Variants in MYL4 observed in about 807,000 individuals in gnomAD.
MYL4 encodes atrial myosin light chain 1.
A neutral mutation model predicts 21.6 loss-of-function variants in MYL4; 16 were observed. That is an observed-to-expected ratio of 0.74 (90% CI 0.50 to 1.12). The LOEUF is 1.12. Among genes scored for constraint, MYL4 ranks in the 50% most tolerant of loss-of-function variants. The pLI is 0.00. For missense variants in MYL4, 249 were observed against 252.9 expected, an observed-to-expected ratio of 0.98 and a Z score of 0.11; for synonymous variants, 82 against 95.7, an observed-to-expected ratio of 0.86 and a Z score of 0.83.
chr17:47,213,832 T>C lies in MYL4; in HGVS notation c.163+6T>C. 1 of 1,613,868 alleles carries C rather than the reference T, an allele frequency of 6.2e-7. No individual in the cohort carries two copies. On this transcript the variant is annotated splice_donor_region_variant and intron_variant, in intron 2 of 6. Transcript: ENST00000393450. ...CACTGCCGACCAGATTGAAGGTGAG[T>C]ATGGACAACCCCACCTCTCCGTCTC...
In MYL4 at chr17:47,221,754, A is replaced by G. The variant is rs1451577263; in HGVS notation, c.386A>G (p.Gln129Arg). ...CAGCACATTTCCCGCAACAAGGAGC[A>G]GGGCACCTATGAGGACTTCGTGGAG... ...ILQHISRNKE[Q>R]GTYEDFVEGL... Residue 129 changes from glutamine (Q) to arginine (R), a missense_variant, in exon 4 of 7, where the codon CAG becomes CGG. By Grantham distance (43) the Gln-to-Arg change is conservative. Transcript: ENST00000393450. 6.2e-7 allele frequency: 1 copy of G among 1,614,198 alleles called. No homozygotes were observed.
At chr17:47,213,929 A>G (rs1296952227) in intron 2 of MYL4, 103 bp downstream of exon 2, 3 of 1,307,030 alleles carry the variant, frequency 2.3e-6, no homozygotes, top group South Asian at 1.2e-5. Context: ...GGTAATAGTA[A>G]TCACTGTCAT....
At chr17:47,189,589 G>T in the MYL4 span, among the ~76,000 whole-genome samples, 1 of 152,264 alleles carries the variant, frequency 6.6e-6, no homozygotes, top group African/African-American at 2.4e-5. Context: ...GACAGCGCGG[G>T]CGGGTAGCGT....
At chr17:47,225,875 T>C (rs74713788), downstream of MYL4, among the ~76,000 whole-genome samples, 2 of 134,886 alleles carry the variant, frequency 1.5e-5, no homozygotes, top group African/African-American at 5.4e-5. Context: ...TTTTTTTTTT[T>C]GGTTTTTTAA....
chr17:47,221,705 T>G lies in MYL4; in HGVS notation c.337T>G (p.Phe113Val), dbSNP rs2064856939. ...AGAGATGAATGTCAAGATGCTGGAC[T>G]TTGAGACGTTCTTGCCCATCCTGCA... is the stretch of plus-strand genomic sequence containing the variant. ...PEEMNVKMLD[F>V]ETFLPILQHI... Residue 113 changes from phenylalanine (F) to valine (V), a missense_variant, in exon 4 of 7, where the codon TTT becomes GTT. By Grantham distance (50) the Phe-to-Val change is conservative. Transcript: ENST00000393450. 1 of 1,613,752 alleles carries G rather than the reference T, an allele frequency of 6.2e-7. No homozygotes were observed. The highest frequency in any genetic ancestry group is 2.2e-5 in the East Asian group (1 of 44,886).
intron 2 of MYL4, among the ~76,000 whole-genome samples, chr17:47,214,976 T>C (rs112781870): frequency 4.6e-5 from 7 of 152,334 alleles, no homozygotes; most frequent in African/African-American, 1.7e-4. Context: ...GGCTTTCAGA[T>C]TGTTTCCGGT....
At chr17:47,202,940 AATTT>A (rs141096915) in intron 1 of MYL4, among the ~76,000 whole-genome samples, 2,447 of 151,954 alleles carry the variant, frequency 0.016, 53 homozygotes, top group African/African-American at 0.056. Flanking sequence ...TTGAAGCTTA[AATTT>A]ATTTATTTAT....
Position 47,209,354 on chromosome 17 carries a change from T to A in MYL4, c.-69T>A. Reference sequence around the variant, plus strand: ...GGAGGCAGCCCAGGCTCCTATCTCATCTCCCAGACGCCACGTCTCTCGGTT... The same window carrying A: ...GGAGGCAGCCCAGGCTCCTATCTCAACTCCCAGACGCCACGTCTCTCGGTT... On this transcript the variant is annotated 5_prime_UTR_variant, in exon 1 of 7. Transcript: ENST00000393450. The A allele has an allele frequency of 6.2e-7, 1 of 1,606,832 alleles. No homozygotes were observed. The highest frequency in any genetic ancestry group is 8.5e-7 in the Non-Finnish European group (1 of 1,175,018).
chr17:47,215,095 C>A (rs1445230899), intron 2 of MYL4, among the ~76,000 whole-genome samples: 6 of 152,120 alleles, frequency 3.9e-5, no homozygotes, highest in Admixed American at 3.9e-4. Context: ...AAAAGTGACA[C>A]CAGTTTACCC....
At chr17:47,213,648 C>T in intron 1 of MYL4, 151 bp from the exon 2 acceptor site, 1 of 778,586 alleles carries the variant, frequency 1.3e-6, no homozygotes, top group Non-Finnish European at 2.3e-6. Context: ...TGTGTTTTAC[C>T]CTTAGCACAA....
At chr17:47,190,344 T>G in the MYL4 span, among the ~76,000 whole-genome samples, 1 of 152,226 alleles carries the variant, frequency 6.6e-6, no homozygotes, top group Non-Finnish European at 1.5e-5. Context: ...GTGTCTAGCA[T>G]GCAATGTAGA....
intron 3 of MYL4, 74 bp from the exon 4 acceptor site, chr17:47,221,608 C>A: frequency 6.6e-7 from 1 of 1,518,052 alleles, no homozygotes; most frequent in Non-Finnish European, 8.9e-7. Context: ...TGGGGTGAGG[C>A]CCCCTCTTGA....
At chr17:47,214,016 T>C in intron 2 of MYL4, 190 bp downstream of exon 2, 1 of 611,218 alleles carries the variant, frequency 1.6e-6, no homozygotes, top group East Asian at 2.8e-5. Flanking sequence ...TTAACTCCTT[T>C]AATTCTCATA....
At chr17:47,211,465 C>T (rs746265155) in intron 1 of MYL4, among the ~76,000 whole-genome samples, 6 of 152,176 alleles carry the variant, frequency 3.9e-5, no homozygotes, top group Non-Finnish European at 5.9e-5. Context: ...GTTAGGACCA[C>T]GTCTATTGAG....
the MYL4 span, among the ~76,000 whole-genome samples, chr17:47,192,183 T>C: frequency 6.6e-6 from 1 of 152,062 alleles, no homozygotes; most frequent in East Asian, 1.9e-4. Flanking sequence ...GGAGAAAACC[T>C]GTCTCTACTA....
At chr17:47,209,069 G>A (rs1177084589), upstream of MYL4, 2 of 382,934 alleles carry the variant, frequency 5.2e-6, no homozygotes, top group South Asian at 2.7e-5. Context: ...CATCTCTCTG[G>A]CTGCTCCGGC....
chr17:47,207,758 A>G (rs2149039935), upstream of MYL4, among the ~76,000 whole-genome samples: 2 of 152,188 alleles, frequency 1.3e-5, no homozygotes, highest in South Asian at 4.1e-4. Context: ...TATTTTGTTG[A>G]CTTTCAAAGT....
intron 1 of MYL4, 113 bp from the exon 2 acceptor site, chr17:47,213,686 G>C: frequency 9.9e-7 from 1 of 1,012,664 alleles, no homozygotes; most frequent in Non-Finnish European, 1.6e-6. Flanking sequence ...TCAGTGGCCT[G>C]CTGGAGGTGG....
downstream of MYL4, among the ~76,000 whole-genome samples, chr17:47,225,010 C>T (rs749561477): frequency 2.6e-5 from 4 of 152,190 alleles, no homozygotes; most frequent in Non-Finnish European, 5.9e-5. Flanking sequence ...TATATGGGAG[C>T]ACAGGGGTCC....
Sources: allele counts gnomAD v4.1 joint callset (sites outside exome capture counted in the v4.1 genomes callset), GRCh38; gene constraint gnomAD v4.1.1; transcripts MANE v1.5; gene names NCBI Gene and HGNC (gene_info 2026-07-23, HGNC 2026-07-21).